Variants in RARS2 observed in about 807,000 individuals in gnomAD.
RARS2 encodes probable arginine--tRNA ligase, mitochondrial.
Under a neutral mutation model 88.5 loss-of-function variants are expected in RARS2, and 67 were observed. That is an observed-to-expected ratio of 0.76 (90% CI 0.62 to 0.93). The LOEUF is 0.93. Ranked by LOEUF, RARS2 falls within the 40% of genes least tolerant of loss-of-function variation. The pLI, the probability that RARS2 is intolerant of heterozygous loss-of-function variation, is 0.00. For synonymous variants in RARS2, 239 were observed against 230.3 expected, an observed-to-expected ratio of 1.04 and a Z score of -0.34; for missense variants, 664 against 684.2, an observed-to-expected ratio of 0.97 and a Z score of 0.33.
chr6:87,518,559 G>T, intron 16 of RARS2, 71 bp downstream of exon 16: 1 of 1,466,598 alleles, frequency 6.8e-7, no homozygotes, highest in Non-Finnish European at 9.5e-7. Context: ...AGGGCCTCTG[G>T]TCTTAGAATC....
chr6:87,564,311 T>C (rs1788738005), intron 2 of RARS2, 79 bp from the exon 3 acceptor site: 2 of 1,012,848 alleles, frequency 2.0e-6, no homozygotes, highest in Non-Finnish European at 3.1e-6. Context: ...TCACTATGAG[T>C]TCTCCATTGA....
chr6:87,524,175 A>T (rs1389374737), intron 11 of RARS2, among the ~76,000 whole-genome samples: 2 of 152,152 alleles, frequency 1.3e-5, no homozygotes, highest in Non-Finnish European at 2.9e-5. Flanking sequence ...TGATAAACCC[A>T]CTTCTTACTG....
At chr6:87,561,353 T>C (rs1787798815) in intron 4 of RARS2, among the ~76,000 whole-genome samples, 1 of 152,100 alleles carries the variant, frequency 6.6e-6, no homozygotes, top group Non-Finnish European at 1.5e-5. Flanking sequence ...CAAAGAAAAA[T>C]ATACAGCCTA....
At chr6:87,562,129 T>C (rs1402902435) in intron 4 of RARS2, among the ~76,000 whole-genome samples, 1 of 152,148 alleles carries the variant, frequency 6.6e-6, no homozygotes, top group Admixed American at 6.5e-5. Context: ...CATGTGTGGC[T>C]AATTTTTAAA....
At chr6:87,578,114 C>CCG (rs1554220510) in intron 1 of RARS2, among the ~76,000 whole-genome samples, 13 of 148,866 alleles carry the variant, frequency 8.7e-5, no homozygotes, top group African/African-American at 3.0e-4. Flanking sequence ...GAGACCCCCC[C>CCG]CCCCGCCATC....
chr6:87,542,656 A>AAAAG (rs1354183253), intron 7 of RARS2, among the ~76,000 whole-genome samples: 1 of 146,186 alleles, frequency 6.8e-6, no homozygotes. Flanking sequence ...ACCTAAAAAA[A>AAAAG]AAAAGAAAAA....
At chr6:87,545,563 T>C in intron 7 of RARS2, 53 bp downstream of exon 7, 4 of 1,611,204 alleles carry the variant, frequency 2.5e-6, no homozygotes, top group Non-Finnish European at 3.4e-6. Context: ...ATCAAAGTTT[T>C]TACAAATTGA....
At chr6:87,524,067 A>G (rs1263501816) in intron 11 of RARS2, among the ~76,000 whole-genome samples, 1 of 152,194 alleles carries the variant, frequency 6.6e-6, no homozygotes, top group Non-Finnish European at 1.5e-5. Flanking sequence ...TTGTGTTACA[A>G]AAGTGATTTG....
intron 4 of RARS2, among the ~76,000 whole-genome samples, chr6:87,560,312 T>C (rs1040244012): frequency 3.3e-5 from 5 of 152,350 alleles, no homozygotes; most frequent in African/African-American, 7.2e-5. Context: ...TAAAATGATG[T>C]TATCCATTGT....
intron 11 of RARS2, among the ~76,000 whole-genome samples, chr6:87,524,290 A>G (rs999228015): frequency 6.6e-6 from 1 of 152,192 alleles, no homozygotes; most frequent in African/African-American, 2.4e-5. Context: ...CCAAATCCCA[A>G]TGAGTTCTGG....
At chr6:87,524,050 C>T (rs1175507078) in intron 11 of RARS2, among the ~76,000 whole-genome samples, 1 of 152,128 alleles carries the variant, frequency 6.6e-6, no homozygotes, top group Non-Finnish European at 1.5e-5. Context: ...AACAAAGTAT[C>T]ATGACTTTGT....
chr6:87,542,968 A>C (rs187198513), intron 7 of RARS2, among the ~76,000 whole-genome samples: 3 of 150,094 alleles, frequency 2.0e-5, no homozygotes, highest in Admixed American at 2.0e-4. Flanking sequence ...GTATAAAATA[A>C]TAAAAAAAAA....
In RARS2 at chr6:87,564,143, C is replaced by T. The variant is rs927135458; in HGVS notation, c.200G>A (p.Arg67Lys). Residue 67 changes from arginine (R) to lysine (K), a missense_variant, in exon 3 of 20, where the codon AGA (arginine) becomes AAA (lysine). Physicochemically the swap from Arg to Lys is conservative, Grantham distance 26 (BLOSUM62 2). Transcript: ENST00000369536. ...GTGCTAACGTACCTTCTCTGCTAGTCTCTTGGCTTGAACTTGAATATCTGG... is the reference window on the plus strand; with the variant it reads ...GTGCTAACGTACCTTCTCTGCTAGTTTCTTGGCTTGAACTTGAATATCTGG... ...SRPDIQVQAKRLAEKLRCDTV... is the reference protein window; with the variant it reads ...SRPDIQVQAKKLAEKLRCDTV... 1.2e-6 allele frequency: 2 copies of T among 1,607,722 alleles called. No individual in the cohort carries two copies. Among genetic ancestry groups the T allele is most frequent in the African/African-American group, 2.7e-5 (2 of 74,790 alleles).
At chr6:87,588,261 T>C (rs1775756095) in intron 1 of RARS2, among the ~76,000 whole-genome samples, 1 of 152,140 alleles carries the variant, frequency 6.6e-6, no homozygotes, top group Non-Finnish European at 1.5e-5. Context: ...GAATTTATTA[T>C]TTTTTGTCTT....
rs372092585 is a variant in RARS2, at chr6:87,518,833, G to A, written c.1296C>T (p.Leu432=). The change falls in exon 15 of 20, where the codon CTC becomes CTT. Residue 432 remains leucine, a synonymous_variant. Coordinates refer to ENST00000369536, the MANE Select transcript of RARS2 (RefSeq NM_020320.5). ...AGGAGTCTTAACAGACCTGAATAATGAGTGCTGCGAGCCCGACCCTCTCTG... is the reference window on the plus strand; with the variant it reads ...AGGAGTCTTAACAGACCTGAATAATAAGTGCTGCGAGCCCGACCCTCTCTG... ...ETAERVGLAA[L]IIQDFKGLLL... The A allele has an allele frequency of 5.7e-5, 92 of 1,613,968 alleles. No individual in the cohort carries two copies. The highest frequency in any genetic ancestry group is 7.3e-5 in the Non-Finnish European group (86 of 1,179,962).
At chr6:87,570,577 C>T (rs545170499) in intron 1 of RARS2, among the ~76,000 whole-genome samples, 4 of 152,070 alleles carry the variant, frequency 2.6e-5, no homozygotes, top group Admixed American at 1.3e-4. Flanking sequence ...CACCACCAAG[C>T]GCAGCTAATT....
At chr6:87,580,954 T>C (rs1479735591) in intron 1 of RARS2, among the ~76,000 whole-genome samples, 1 of 152,158 alleles carries the variant, frequency 6.6e-6, no homozygotes. Context: ...TTTAGGAACC[T>C]AGTATCAGAG....
At chr6:87,550,545 A>G (rs1171328004) in intron 5 of RARS2, among the ~76,000 whole-genome samples, 1 of 152,086 alleles carries the variant, frequency 6.6e-6, no homozygotes, top group Non-Finnish European at 1.5e-5. Context: ...AAAAAAATCA[A>G]TAGAAATAAA....
At chr6:87,537,969 T>G (rs184125597) in intron 8 of RARS2, among the ~76,000 whole-genome samples, 276 of 152,328 alleles carry the variant, frequency 1.8e-3, no homozygotes, top group Middle Eastern at 3.4e-3. Flanking sequence ...TTAAATAAAT[T>G]GAGTTGTTGA....
Sources: gnomAD v4.1 joint callset for allele counts (sites outside exome capture counted in the v4.1 genomes callset) on GRCh38, gnomAD v4.1.1 for gene constraint, MANE v1.5 for transcripts, NCBI Gene and HGNC (gene_info 2026-07-23, HGNC 2026-07-21) for gene names.